Variants in YY1 observed in about 807,000 individuals in gnomAD.
YY1 encodes transcriptional repressor protein YY1.
Under a neutral mutation model 35.6 loss-of-function variants are expected in YY1, and 2 were observed. The ratio of observed to expected loss-of-function variants is 0.06; its 90% CI spans 0.02 to 0.18. The LOEUF (loss-of-function observed/expected upper bound fraction) is 0.18. Among genes scored for constraint, YY1 ranks in the 10% least tolerant of loss-of-function variants. The pLI, the probability that YY1 is intolerant of heterozygous loss-of-function variation, is 1.00. For synonymous variants in YY1, 268 were observed against 238.9 expected, an observed-to-expected ratio of 1.12 and a Z score of -1.12; for missense variants, 322 against 573.4, an observed-to-expected ratio of 0.56 and a Z score of 4.48.
In YY1 at chr14:100,239,799, C is replaced by T. The variant is rs762285170; in HGVS notation, c.555C>T (p.Tyr185=). The stretch of plus-strand genomic sequence containing the variant: ...GCAAGAAGAGCGGCAAGAAGAGTTA[C>T]CTCAGCGGCGGGGCCGGCGCGGCGG... ...GGGKKSGKKS[Y]LSGGAGAAGG... Residue 185 remains tyrosine (Y), a synonymous_variant, in exon 1 of 5, where the codon TAC becomes TAT. Coordinates refer to ENST00000262238, the MANE Select transcript of YY1 (RefSeq NM_003403.5). The T allele has an allele frequency of 1.1e-5, 16 of 1,522,296 alleles. No individual in the cohort carries two copies. Among genetic ancestry groups the T allele is most frequent in the South Asian group, 3.6e-5 (3 of 82,700 alleles). The allele number at this position is 1,522,296 out of a possible 1,614,324, so 94.3% of individuals were successfully genotyped here.
intron 1 of YY1, among the ~76,000 whole-genome samples, chr14:100,243,059 C>G (rs1890775423): frequency 6.6e-6 from 1 of 152,204 alleles, no homozygotes; most frequent in Admixed American, 6.5e-5. Flanking sequence ...ATCCCCCTTA[C>G]TTTTCCTTGT....
At chr14:100,273,973 A>C (rs891555054) in intron 2 of YY1, among the ~76,000 whole-genome samples, 1 of 152,076 alleles carries the variant, frequency 6.6e-6, no homozygotes, top group Non-Finnish European at 1.5e-5. Flanking sequence ...TCTTGGTACA[A>C]ATGAGAACTT....
intron 2 of YY1, among the ~76,000 whole-genome samples, chr14:100,269,132 G>T (rs572481464): frequency 3.0e-4 from 45 of 152,288 alleles, no homozygotes; most frequent in Non-Finnish European, 6.2e-4. Context: ...CATGTACTGC[G>T]TTGAGGGGTG....
intron 1 of YY1, among the ~76,000 whole-genome samples, chr14:100,247,803 C>G (rs1227065484): frequency 6.6e-6 from 1 of 152,132 alleles, no homozygotes; most frequent in African/African-American, 2.4e-5. Context: ...GAACAGAAAG[C>G]CAGCAGCATC....
chr14:100,244,670 C>T (rs1449719406), intron 1 of YY1, among the ~76,000 whole-genome samples: 3 of 149,432 alleles, frequency 2.0e-5, no homozygotes, highest in Non-Finnish European at 3.0e-5. Context: ...GCAGCCTCAA[C>T]CTCCCGGGCT....
At chr14:100,273,483 C>G (rs1891274946) in intron 2 of YY1, among the ~76,000 whole-genome samples, 1 of 151,852 alleles carries the variant, frequency 6.6e-6, no homozygotes, top group Non-Finnish European at 1.5e-5. Flanking sequence ...TTTGTTTGTT[C>G]ATTTGTTTTT....
chr14:100,242,386 T>TTTTTG (rs1890761936), intron 1 of YY1, among the ~76,000 whole-genome samples: 1 of 119,768 alleles, frequency 8.3e-6, no homozygotes, highest in African/African-American at 3.5e-5. Flanking sequence ...TTGTTTTTTT[T>TTTTTG]TTTTTTTTTT....
chr14:100,247,560 A>T (rs896848289), intron 1 of YY1, among the ~76,000 whole-genome samples: 2 of 151,854 alleles, frequency 1.3e-5, no homozygotes, highest in Admixed American at 1.3e-4. Context: ...TTTTGTAGAG[A>T]CAGGGTTATC....
intron 1 of YY1, among the ~76,000 whole-genome samples, chr14:100,250,438 A>T (rs538984160): frequency 1.3e-5 from 2 of 152,296 alleles, no homozygotes; most frequent in South Asian, 2.1e-4. Flanking sequence ...CTAGCCAAAC[A>T]TATACATGCA....
intron 2 of YY1, among the ~76,000 whole-genome samples, chr14:100,274,429 T>C (rs772514064): frequency 1.3e-4 from 20 of 152,232 alleles, no homozygotes; most frequent in Non-Finnish European, 2.6e-4. Context: ...AGTGCCATTC[T>C]AAGCTGCACC....
At chr14:100,273,942 C>T (rs910873972) in intron 2 of YY1, among the ~76,000 whole-genome samples, 5 of 151,266 alleles carry the variant, frequency 3.3e-5, no homozygotes, top group African/African-American at 1.2e-4. Context: ...CTCTGCCAGA[C>T]GGTTACCACA....
intron 1 of YY1, among the ~76,000 whole-genome samples, chr14:100,255,238 C>T (rs1169541935): frequency 6.6e-6 from 1 of 151,994 alleles, no homozygotes; most frequent in East Asian, 1.9e-4. Flanking sequence ...CTGTATCTTA[C>T]GAGAATGTAC....
chr14:100,252,260 T>C (rs1271195245), intron 1 of YY1, among the ~76,000 whole-genome samples: 2 of 152,218 alleles, frequency 1.3e-5, no homozygotes, highest in Non-Finnish European at 2.9e-5. Context: ...CTCAGTCTTA[T>C]GCTTTGCTCC....
At chr14:100,261,162 C>A (rs370555961) in intron 1 of YY1, among the ~76,000 whole-genome samples, 2 of 151,858 alleles carry the variant, frequency 1.3e-5, no homozygotes, top group East Asian at 3.9e-4. Context: ...TCGTACATTT[C>A]TTTGAACATA....
intron 2 of YY1, among the ~76,000 whole-genome samples, chr14:100,268,765 T>C (rs576712867): frequency 5.9e-5 from 9 of 152,346 alleles, no homozygotes; most frequent in Non-Finnish European, 1.0e-4. Context: ...ACAGCCGTAT[T>C]ACGCAGGAAC....
rs929000389 is a variant in YY1, at chr14:100,239,271, C to T, written c.27C>T (p.Ile9=). The T allele has an allele frequency of 1.3e-6, 2 of 1,583,236 alleles. No homozygotes were observed. Among genetic ancestry groups the T allele is most frequent in the Admixed American group, 3.5e-5 (2 of 56,374 alleles). The change falls in exon 1 of 5, where the codon ATC becomes ATT. Residue 9 remains isoleucine, a synonymous_variant. Coordinates refer to ENST00000262238, the MANE Select transcript of YY1 (RefSeq NM_003403.5). ...TGGCCTCGGGCGACACCCTCTACATCGCCACGGACGGCTCGGAGATGCCGG... is the reference window on the plus strand; with the variant it reads ...TGGCCTCGGGCGACACCCTCTACATTGCCACGGACGGCTCGGAGATGCCGG... MASGDTLY[I]ATDGSEMPAE...
At chr14:100,255,214 CAT>C (rs998986882) in intron 1 of YY1, among the ~76,000 whole-genome samples, 6 of 152,168 alleles carry the variant, frequency 3.9e-5, no homozygotes, top group African/African-American at 9.6e-5. Flanking sequence ...AATGTGATAA[CAT>C]GTGTCTTAAA....
In YY1 at chr14:100,239,310, G is replaced by C. The variant is rs1471534078; in HGVS notation, c.66G>C (p.Glu22Asp). 6.2e-7 allele frequency: 1 copy of C among 1,603,444 alleles called. No individual in the cohort carries two copies. The highest frequency in any genetic ancestry group is 2.3e-5 in the East Asian group (1 of 44,362). ...CGGAGATGCCGGCCGAGATCGTGGAGCTGCACGAGATCGAGGTGGAGACCA... is the reference window on the plus strand; with the variant it reads ...CGGAGATGCCGGCCGAGATCGTGGACCTGCACGAGATCGAGGTGGAGACCA... ...DGSEMPAEIVELHEIEVETIP... is the reference protein window; with the variant it reads ...DGSEMPAEIVDLHEIEVETIP... Residue 22 changes from glutamate (E) to aspartate (D), a missense_variant, in exon 1 of 5, where the codon GAG (glutamate) becomes GAC (aspartate). Glu to Asp is a conservative substitution (Grantham distance 45). Coordinates refer to ENST00000262238, the MANE Select transcript of YY1 (RefSeq NM_003403.5).
intron 1 of YY1, among the ~76,000 whole-genome samples, chr14:100,245,335 T>C (rs1456563896): frequency 6.6e-6 from 1 of 152,228 alleles, no homozygotes; most frequent in African/African-American, 2.4e-5. Context: ...AAATTAGAGA[T>C]GGGGTCTTGC....
Sources: allele counts gnomAD v4.1 joint callset (sites outside exome capture counted in the v4.1 genomes callset), GRCh38; gene constraint gnomAD v4.1.1; transcripts MANE v1.5; gene names NCBI Gene and HGNC (gene_info 2026-07-23, HGNC 2026-07-21).